Variants in STXBP6 observed in about 807,000 individuals in gnomAD.
The protein encoded by STXBP6 is syntaxin binding protein 6, also known as syntaxin-binding protein 6.
In STXBP6, 21 loss-of-function variants were observed where a neutral mutation model predicts 26.9. That is an observed-to-expected ratio of 0.78 (90% CI 0.55 to 1.12). STXBP6 has a LOEUF of 1.12. Ranked by LOEUF, STXBP6 falls within the 50% of genes most tolerant of loss-of-function variation. STXBP6 has a pLI of 0.00. For missense variants in STXBP6, 232 were observed against 257.9 expected (o/e 0.90, Z 0.69); for synonymous variants, 97 against 92.6 (o/e 1.05, Z -0.27).
chr14:24,909,824 G>A (rs1047870191), intron 2 of STXBP6, among the ~76,000 whole-genome samples: 8 of 151,310 alleles, frequency 5.3e-5, no homozygotes, highest in African/African-American at 1.7e-4. Context: ...AACAGAGAAA[G>A]ACTCTGTCAA....
chr14:24,971,427 A>G (rs1057192974), intron 2 of STXBP6, among the ~76,000 whole-genome samples: 11 of 152,202 alleles, frequency 7.2e-5, no homozygotes, highest in Non-Finnish European at 1.5e-4. Context: ...TGCCAGTTCA[A>G]AATGAATAGC....
At position 24,886,516 on chromosome 14, in the gene STXBP6, C is replaced by T. The variant is rs2070593249; in HGVS notation, c.155-29359G>A. On this transcript the variant is annotated intron_variant, in intron 2 of 5. Coordinates refer to ENST00000323944, the MANE Select transcript of STXBP6 (RefSeq NM_001394410.1). ...ATCATAATAACCATCTCTGAGAAAT[C>T]TTTGCTATCTAGAACTCATCTACAA... Among the ~76,000 whole-genome samples, 2 of 152,214 alleles carry T rather than the reference C, an allele frequency of 1.3e-5. 1 individual carries two copies. The highest frequency in any genetic ancestry group is 6.8e-3 in the Middle Eastern group (2 of 294).
At chr14:24,944,100 G>T (rs991976527) in intron 2 of STXBP6, among the ~76,000 whole-genome samples, 1 of 152,138 alleles carries the variant, frequency 6.6e-6, no homozygotes, top group Non-Finnish European at 1.5e-5. Flanking sequence ...ACAAGAAGAG[G>T]CTCAGGCTAT....
chr14:25,030,125 T>C (rs1320634360), intron 1 of STXBP6, among the ~76,000 whole-genome samples: 2 of 152,192 alleles, frequency 1.3e-5, no homozygotes, highest in Admixed American at 1.3e-4. Context: ...ATCAAATGAC[T>C]ACAATGGCAT....
chr14:24,841,480 T>C (rs930199806), intron 4 of STXBP6, among the ~76,000 whole-genome samples: 2 of 152,240 alleles, frequency 1.3e-5, no homozygotes, highest in African/African-American at 4.8e-5. Flanking sequence ...CAGCAAGTTT[T>C]AGCCATCATC....
chr14:24,863,788 T>C (rs2069625601), intron 2 of STXBP6, among the ~76,000 whole-genome samples: 1 of 152,172 alleles, frequency 6.6e-6, no homozygotes, highest in Admixed American at 6.5e-5. Context: ...CATTTCTCCA[T>C]AGACCTGCAG....
chr14:24,924,204 C>A (rs1390215793), intron 2 of STXBP6, among the ~76,000 whole-genome samples: 1 of 152,130 alleles, frequency 6.6e-6, no homozygotes, highest in Admixed American at 6.5e-5. Flanking sequence ...TGCCCCACTG[C>A]CCTGTAATGC....
At chr14:24,964,251 C>A (rs1389231339) in intron 2 of STXBP6, among the ~76,000 whole-genome samples, 1 of 152,164 alleles carries the variant, frequency 6.6e-6, no homozygotes, top group Non-Finnish European at 1.5e-5. Context: ...AGAAAGCCAA[C>A]TGACAAAGCC....
At chr14:24,991,932 C>T (rs902220909) in intron 1 of STXBP6, among the ~76,000 whole-genome samples, 1 of 152,156 alleles carries the variant, frequency 6.6e-6, no homozygotes, top group African/African-American at 2.4e-5. Context: ...CACCTGGTGG[C>T]CCTCCTCCTA....
At chr14:24,937,912 G>A (rs576567770) in intron 2 of STXBP6, among the ~76,000 whole-genome samples, 1 of 152,268 alleles carries the variant, frequency 6.6e-6, no homozygotes, top group South Asian at 2.1e-4. Context: ...TGGGTTTTAT[G>A]GGTGGAAGGT....
intron 1 of STXBP6, among the ~76,000 whole-genome samples, chr14:24,978,057 C>T (rs890084710): frequency 6.6e-6 from 1 of 152,136 alleles, no homozygotes; most frequent in African/African-American, 2.4e-5. Context: ...TTAATGTCAC[C>T]CTGGGAATGG....
chr14:24,900,628 G>A (rs531820940), intron 2 of STXBP6, among the ~76,000 whole-genome samples: 3 of 152,272 alleles, frequency 2.0e-5, no homozygotes, highest in East Asian at 1.9e-4. Context: ...TTATTCCCCC[G>A]AGCTACTGTG....
In STXBP6 at chr14:24,931,420, T is replaced by TA. The variant is rs1203276126; in HGVS notation, c.154+43244dup. Among the ~76,000 whole-genome samples, 7 of 151,828 alleles carry TA rather than the reference T, an allele frequency of 4.6e-5. No homozygotes were observed. The South Asian group carries it at 1.0e-3, about 23-fold the overall frequency. ...TAATTAAAAGCAATATCTGGATGTG[T>TA]AAAAAAAAGCTAAATGTTGAGAGTT... On this transcript the variant is annotated intron_variant, in intron 2 of 5. Transcript: ENST00000323944.
chr14:24,878,881 C>G, intron 2 of STXBP6: 1 of 419,330 alleles, frequency 2.4e-6, no homozygotes, highest in South Asian at 1.8e-5. Context: ...CCTATTCTTA[C>G]TGAAACAGAA....
At chr14:25,036,855 C>CAAAAAA (rs549439602) in intron 1 of STXBP6, among the ~76,000 whole-genome samples, 6 of 62,304 alleles carry the variant, frequency 9.6e-5, no homozygotes, top group Admixed American at 1.8e-4. Flanking sequence ...GACTCCGTCT[C>CAAAAAA]AAAAAAAAAA....
chr14:24,907,260 T>C (rs1188734318), intron 2 of STXBP6, among the ~76,000 whole-genome samples: 1 of 152,102 alleles, frequency 6.6e-6, no homozygotes, highest in East Asian at 1.9e-4. Flanking sequence ...CAGGCATCAA[T>C]ATAACACATA....
At chr14:24,827,984 T>C (rs137875729) in intron 4 of STXBP6, among the ~76,000 whole-genome samples, 231 of 152,082 alleles carry the variant, frequency 1.5e-3, no homozygotes, top group Non-Finnish European at 2.7e-3. Flanking sequence ...ACAAAGAACA[T>C]TGCATCCAGC....
intron 1 of STXBP6, among the ~76,000 whole-genome samples, chr14:25,032,422 GATCTAACCT>G (rs1476877114): frequency 1.3e-5 from 2 of 152,128 alleles, no homozygotes; most frequent in Non-Finnish European, 2.9e-5. Flanking sequence ...AAAGAAACTA[GATCTAACCT>G]ATCTTTAACT....
At chr14:24,949,461 A>G (rs17109350) in intron 2 of STXBP6, among the ~76,000 whole-genome samples, 85,299 of 151,912 alleles carry the variant, frequency 0.56, 24,516 homozygotes, top group Middle Eastern at 0.73. Context: ...AGGCACCTCA[A>G]CAACTGTGTT....
Sources: gnomAD v4.1 joint callset for allele counts (sites outside exome capture counted in the v4.1 genomes callset) on GRCh38, gnomAD v4.1.1 for gene constraint, MANE v1.5 for transcripts, NCBI Gene and HGNC (gene_info 2026-07-23, HGNC 2026-07-21) for gene names.